Variants in HELQ observed in about 807,000 individuals in gnomAD.
HELQ encodes helicase POLQ-like.
Under a neutral mutation model 111.6 loss-of-function variants are expected in HELQ, and 77 were observed. The observed-to-expected ratio is 0.69, with a 90% CI of 0.57 to 0.83. HELQ has a LOEUF of 0.83. HELQ is among the 40% of genes least tolerant of loss of function. The probability of loss-of-function intolerance (pLI) is 0.00; values close to 1 mark genes in which losing one functional copy is unlikely to be tolerated. For synonymous variants in HELQ, 438 were observed against 454.7 expected (o/e 0.96, Z 0.47); for missense variants, 1,200 against 1,288.5 (o/e 0.93, Z 1.05).
chr4:83,409,096 T>G (rs944455250), intron 17 of HELQ, among the ~76,000 whole-genome samples: 2 of 152,094 alleles, frequency 1.3e-5, no homozygotes, highest in African/African-American at 4.8e-5. Context: ...CAAACTTGCA[T>G]TCCTCTCCCA....
At position 83,455,428 on chromosome 4, in the gene HELQ, T is replaced by A; in HGVS notation, c.266A>T (p.His89Leu). 2 of 1,613,938 alleles carry A rather than the reference T, an allele frequency of 1.2e-6. No individual in the cohort carries two copies. The highest frequency in any genetic ancestry group is 2.2e-5 in the East Asian group (1 of 44,890). The change falls in exon 1 of 18, where the codon CAC (histidine) becomes CTC (leucine). Residue 89 changes from histidine to leucine, a missense_variant. Transcript: ENST00000295488. ...TCCCACCCCTCTGTCAGTGGGCATG[T>A]GACGTAGGAGGTCCGGGTTTGTATC... is the stretch of plus-strand genomic sequence containing the variant. ...GGDTNPDLLR[H>L]MPTDRGVGDQ...
At chr4:83,439,441 C>T (rs1343969705) in intron 8 of HELQ, among the ~76,000 whole-genome samples, 1 of 151,214 alleles carries the variant, frequency 6.6e-6, no homozygotes, top group Admixed American at 6.6e-5. Flanking sequence ...CTAACTGCAA[C>T]CTCCGCCTCC....
At chr4:83,432,589 T>A (rs1016665545) in intron 9 of HELQ, among the ~76,000 whole-genome samples, 1 of 152,230 alleles carries the variant, frequency 6.6e-6, no homozygotes, top group Admixed American at 6.5e-5. Context: ...CCAGCTGCAA[T>A]GCCTATGATC....
rs778864706 is a variant in HELQ at position 83,453,412 on chromosome 4, C to T, written c.831G>A (p.Ala277=). 5 of 1,604,140 alleles carry T rather than the reference C, an allele frequency of 3.1e-6. No individual in the cohort carries two copies. The highest frequency in any genetic ancestry group is 1.1e-5 in the South Asian group (1 of 88,950). ...TAGAAAATATTGGTGTCTGGGCCTT[C>T]GCATTTCCAGTCATGGCATTTTTTA... is the stretch of plus-strand genomic sequence containing the variant. ...DHLKNAMTGN[A]KAQTPIFSRS... Residue 277 remains alanine, a synonymous_variant, in exon 2 of 18, where the codon GCG becomes GCA. Transcript: ENST00000295488.
intron 14 of HELQ, among the ~76,000 whole-genome samples, chr4:83,422,562 G>A (rs935313126): frequency 9.2e-5 from 14 of 152,194 alleles, no homozygotes; most frequent in African/African-American, 3.4e-4. Flanking sequence ...GCATCTATAA[G>A]CCAAGGAACA....
At position 83,433,538 on chromosome 4, in the gene HELQ, C is replaced by T. The variant is rs368493801; in HGVS notation, c.2049-1271G>A. On this transcript the variant is annotated intron_variant, in intron 9 of 17. Coordinates refer to ENST00000295488, the MANE Select transcript of HELQ (RefSeq NM_133636.5). ...AAAATTAGCTGGTCGTGGTGGCAGGCGCCTGTAGTCCCAGCTACTCAGGAG... is the reference window on the plus strand; with the variant it reads ...AAAATTAGCTGGTCGTGGTGGCAGGTGCCTGTAGTCCCAGCTACTCAGGAG... Among the ~76,000 whole-genome samples, 15 of 151,548 alleles carry T rather than the reference C, an allele frequency of 9.9e-5. No homozygotes were observed. The South Asian group carries it at 1.3e-3, about 13-fold the overall frequency.
At chr4:83,451,139 AGTT>A (rs2110014415) in intron 2 of HELQ, among the ~76,000 whole-genome samples, 1 of 152,344 alleles carries the variant, frequency 6.6e-6, no homozygotes, top group South Asian at 2.1e-4. Flanking sequence ...AGATTTAAAA[AGTT>A]GTTATTTACT....
At chr4:83,430,488 C>T (rs1456237733) in intron 11 of HELQ, among the ~76,000 whole-genome samples, 1 of 152,096 alleles carries the variant, frequency 6.6e-6, no homozygotes, top group East Asian at 1.9e-4. Flanking sequence ...ATAAGGAATA[C>T]TTAACCCTCC....
Position 83,453,778 on chromosome 4 carries a change from GT to G in HELQ, c.464del (p.Asn155ThrfsTer8). On this transcript the variant is annotated frameshift_variant, in exon 2 of 18. Transcript: ENST00000295488. LOFTEE classifies it high-confidence loss of function. ...TGCCTATGGTAGTAATGCTGAGTTT[GT>G]TTTTGATACTTTCCGAGCAAAGATT... Reference protein sequence around the residue: ...TENLCSESIKNKLSITTIGNL... With the variant: ...TENLCSESIKXKLSITTIGNL... 6.2e-7 allele frequency: 1 copy of G among 1,614,112 alleles called. No individual in the cohort carries two copies. Among genetic ancestry groups the G allele is most frequent in the Non-Finnish European group, 8.5e-7 (1 of 1,180,012 alleles).
rs1578114455 is a variant in HELQ at position 83,455,791 on chromosome 4, T to A, written c.-98A>T. Reference sequence around the variant, plus strand: ...TGGGACGCCGGAGCCCGCTTCTACATCCACCTTGGGAAAAGACCCCAAGTT... The same window carrying A: ...TGGGACGCCGGAGCCCGCTTCTACAACCACCTTGGGAAAAGACCCCAAGTT... On this transcript the variant is annotated 5_prime_UTR_variant, in exon 1 of 18. An upstream start codon of the reference 5' UTR is lost. Coordinates refer to ENST00000295488, the MANE Select transcript of HELQ (RefSeq NM_133636.5). 3 of 1,238,850 alleles carry A rather than the reference T, an allele frequency of 2.4e-6. No homozygotes were observed. In the African/African-American group the frequency reaches 4.5e-5, roughly 18 times the overall value. 76.7% of individuals were successfully genotyped at this position (1,238,850 alleles called of 1,614,324 possible).
intron 2 of HELQ, among the ~76,000 whole-genome samples, chr4:83,450,768 C>T (rs916798715): frequency 6.6e-6 from 1 of 151,740 alleles, no homozygotes; most frequent in African/African-American, 2.4e-5. Flanking sequence ...GAGTTCAGGA[C>T]CAGCCTAGGC....
intron 14 of HELQ, among the ~76,000 whole-genome samples, chr4:83,424,272 T>C (rs1283728001): frequency 6.6e-6 from 1 of 152,182 alleles, no homozygotes; most frequent in East Asian, 1.9e-4. Context: ...ATTAATGATA[T>C]TGTTTTTATT....
At chr4:83,450,525 T>C (rs557791912) in intron 2 of HELQ, among the ~76,000 whole-genome samples, 1 of 152,176 alleles carries the variant, frequency 6.6e-6, no homozygotes, top group South Asian at 2.1e-4. Flanking sequence ...TGAAAAATAC[T>C]TCAGATTGGT....
At chr4:83,434,493 C>G (rs1269815876) in intron 9 of HELQ, among the ~76,000 whole-genome samples, 1 of 151,388 alleles carries the variant, frequency 6.6e-6, no homozygotes, top group Non-Finnish European at 1.5e-5. Flanking sequence ...GAGACAGGGT[C>G]TCACTGTTGC....
In HELQ at chr4:83,447,737, C is replaced by T. The variant is rs372583814; in HGVS notation, c.1192-702G>A. Among the ~76,000 whole-genome samples the T allele has an allele frequency of 7.1e-4, 108 of 151,350 alleles. 2 individuals carry two copies. In the East Asian group the frequency reaches 0.014, roughly 19 times the overall value. ...AGCCGGGCGTGGTGGCGTGTGCTTGCGATTCTGGCTGCTGGGTGGGGTCGT... is the reference window on the plus strand; with the variant it reads ...AGCCGGGCGTGGTGGCGTGTGCTTGTGATTCTGGCTGCTGGGTGGGGTCGT... On this transcript the variant is annotated intron_variant, in intron 3 of 17. Coordinates refer to ENST00000295488, the MANE Select transcript of HELQ (RefSeq NM_133636.5).
chr4:83,435,540 G>A (rs1320053993), intron 9 of HELQ, among the ~76,000 whole-genome samples: 2 of 151,010 alleles, frequency 1.3e-5, no homozygotes, highest in Non-Finnish European at 2.9e-5. Flanking sequence ...CCCTAAAGCG[G>A]TATTCTAAAA....
Position 83,452,654 on chromosome 4 carries a change from G to A in HELQ, c.1012+577C>T, listed in dbSNP as rs373139669. On this transcript the variant is annotated intron_variant, in intron 2 of 17. Coordinates refer to ENST00000295488, the MANE Select transcript of HELQ (RefSeq NM_133636.5). ...AGCTGAGGATCTCTACTAGACAATC[G>A]GGGTCAAAAAACAGGAGTGGTTGTA... is the stretch of plus-strand genomic sequence containing the variant. 6.6e-5 allele frequency among the ~76,000 whole-genome samples: 10 copies of A among 152,202 alleles called. No homozygotes were observed. The East Asian group carries it at 1.3e-3, about 21-fold the overall frequency.
intron 17 of HELQ, among the ~76,000 whole-genome samples, chr4:83,410,034 T>G (rs542565074): frequency 5.9e-5 from 9 of 152,054 alleles, no homozygotes; most frequent in Admixed American, 2.6e-4. Flanking sequence ...GAGGATTGCT[T>G]GAGGCCAGAA....
intron 7 of HELQ, 125 bp from the exon 8 acceptor site, chr4:83,440,133 T>C: frequency 1.5e-6 from 1 of 657,134 alleles, no homozygotes; most frequent in East Asian, 3.2e-5. Flanking sequence ...TTAATAAATC[T>C]GATCATTTAA....
Sources: gnomAD v4.1 joint callset for allele counts (sites outside exome capture counted in the v4.1 genomes callset) on GRCh38, gnomAD v4.1.1 for gene constraint, MANE v1.5 for transcripts, NCBI Gene and HGNC (gene_info 2026-07-23, HGNC 2026-07-21) for gene names.